Variants in ABCA1 observed in about 807,000 individuals in gnomAD.
The protein encoded by ABCA1 is phospholipid-transporting ATPase ABCA1.
In ABCA1, 133 loss-of-function variants were observed where a neutral mutation model predicts 262.5. The observed-to-expected ratio is 0.51, with a 90% confidence interval of 0.44 to 0.59. The LOEUF is 0.59. Ranked by LOEUF, ABCA1 falls within the 20% of genes least tolerant of loss-of-function variation. ABCA1 has a pLI of 0.00. For synonymous variants in ABCA1, 1,022 were observed against 1,043.5 expected (o/e 0.98, Z 0.40); for missense variants, 2,452 against 2,777.5 (o/e 0.88, Z 2.63).
Position 104,813,116 on chromosome 9 carries a change from C to T in ABCA1, c.3902-394G>A, listed in dbSNP as rs551717366. 2.0e-5 allele frequency among the ~76,000 whole-genome samples: 3 copies of T among 152,348 alleles called. No individual in the cohort carries two copies. In the South Asian group the frequency reaches 6.2e-4, roughly 32 times the overall value. On this transcript the variant is annotated intron_variant, in intron 27 of 49. Coordinates refer to ENST00000374736, the MANE Select transcript of ABCA1 (RefSeq NM_005502.4). Reference sequence around the variant, plus strand: ...GAGAATACACAATGGCAATTAGCATCTCAGCTTCTCACCCTATTATATTTT... The same window carrying T: ...GAGAATACACAATGGCAATTAGCATTTCAGCTTCTCACCCTATTATATTTT...
Position 104,858,717 on chromosome 9 carries a change from A to G in ABCA1, c.544-19T>C. 6.2e-7 allele frequency: 1 copy of G among 1,613,824 alleles called. No homozygotes were observed. The highest frequency in any genetic ancestry group is 8.5e-7 in the Non-Finnish European group (1 of 1,179,800). ...AAAATACCTGGAAGCATTTCATGCAAAGAGAGACAAGCACAAGAGGATTAT... is the reference window on the plus strand; with the variant it reads ...AAAATACCTGGAAGCATTTCATGCAGAGAGAGACAAGCACAAGAGGATTAT... On this transcript the variant is annotated intron_variant, in intron 6 of 49. Coordinates refer to ENST00000374736, the MANE Select transcript of ABCA1 (RefSeq NM_005502.4).
intron 42 of ABCA1, 120 bp downstream of exon 42, chr9:104,792,666 T>A (rs553959461): frequency 7.9e-7 from 1 of 1,259,062 alleles, no homozygotes; most frequent in East Asian, 2.3e-5. Flanking sequence ...AGAACCTTGG[T>A]ATAGATGTAC....
chr9:104,849,390 T>G (rs1231866184), intron 7 of ABCA1, among the ~76,000 whole-genome samples: 1 of 152,072 alleles, frequency 6.6e-6, no homozygotes, highest in Non-Finnish European at 1.5e-5. Flanking sequence ...TTGTTTAATT[T>G]GACTGTTTTT....
rs115508653 is a variant in ABCA1, at chr9:104,865,361, T to C, written c.422-3561A>G. On this transcript the variant is annotated intron_variant, in intron 5 of 49. Coordinates refer to ENST00000374736, the MANE Select transcript of ABCA1 (RefSeq NM_005502.4). ...TGAAACCCAGTCTCTACTAAACATA[T>C]CAAAATTAGCTGAGTGTGGTGGTGG... is the stretch of plus-strand genomic sequence containing the variant. Among the ~76,000 whole-genome samples, 1,098 of 151,858 alleles carry C rather than the reference T, an allele frequency of 7.2e-3. 10 individuals are homozygous for C. The highest frequency in any genetic ancestry group is 0.025 in the African/African-American group (1,038 of 41,368).
At chr9:104,812,470 C>T (rs1831361971) in intron 28 of ABCA1, 104 bp downstream of exon 28, 2 of 1,457,824 alleles carry the variant, frequency 1.4e-6, no homozygotes, top group Non-Finnish European at 1.9e-6. Flanking sequence ...AAATCTGGCT[C>T]CGGCATCCAT....
intron 17 of ABCA1, among the ~76,000 whole-genome samples, chr9:104,825,202 A>C (rs1464125771): frequency 6.6e-6 from 1 of 152,104 alleles, no homozygotes; most frequent in Non-Finnish European, 1.5e-5. Context: ...AGGAAACAGA[A>C]CCTCTCCTAG....
chr9:104,805,020 C>T (rs984332965), intron 31 of ABCA1, among the ~76,000 whole-genome samples: 6 of 152,138 alleles, frequency 3.9e-5, no homozygotes, highest in Non-Finnish European at 8.8e-5. Flanking sequence ...ATTCACTATG[C>T]CTAATAAATC....
rs1257684576 is a variant in ABCA1, at chr9:104,826,976, T to A, written c.2309A>T (p.Tyr770Phe). The A allele has an allele frequency of 1.9e-6, 3 of 1,614,016 alleles. No individual in the cohort carries two copies. The highest frequency in any genetic ancestry group is 2.7e-5 in the African/African-American group (2 of 74,926). Residue 770 changes from tyrosine to phenylalanine, a missense_variant, in exon 16 of 50, where the codon TAC (tyrosine) becomes TTC (phenylalanine). Around this residue, in one of 4 missense-constraint regions of ABCA1, gnomAD observed 1,032 missense variants for 1,089.7 expected, o/e 0.95. Transcript: ENST00000374736. ...PYVLCVAWQD[Y>F]VGFTLKIFAS... ...GAAGATCTTGAGTGTGAAGCCCACG[T>A]AGTCCTGCCATGCCACACACAGGAC...
intron 4 of ABCA1, among the ~76,000 whole-genome samples, chr9:104,883,660 G>A (rs1313430745): frequency 6.6e-6 from 1 of 151,234 alleles, no homozygotes; most frequent in Non-Finnish European, 1.5e-5. Context: ...TAATATTTGT[G>A]TATGGAAGGG....
At chr9:104,788,731 T>C (rs1306491428) in intron 44 of ABCA1, among the ~76,000 whole-genome samples, 164 bp from the exon 45 acceptor site, 2 of 152,228 alleles carry the variant, frequency 1.3e-5, no homozygotes, top group Non-Finnish European at 2.9e-5. Flanking sequence ...ATGCTAGCTC[T>C]TCCTGGCAGG....
chr9:104,873,305 T>G (rs1231974848), intron 5 of ABCA1, among the ~76,000 whole-genome samples: 1 of 152,206 alleles, frequency 6.6e-6, no homozygotes, highest in Non-Finnish European at 1.5e-5. Context: ...GAAAATATAG[T>G]CTGAGGCTGT....
intron 7 of ABCA1, among the ~76,000 whole-genome samples, chr9:104,856,846 T>A (rs1488028769): frequency 6.6e-6 from 1 of 152,214 alleles, no homozygotes; most frequent in Non-Finnish European, 1.5e-5. Flanking sequence ...AATGGTTTTG[T>A]AACAAAGTTT....
intron 17 of ABCA1, 99 bp downstream of exon 17, chr9:104,825,584 C>A: frequency 7.9e-7 from 1 of 1,272,900 alleles, no homozygotes; most frequent in South Asian, 1.2e-5. Context: ...TAGCCCAAAC[C>A]ACTTCCCAGG....
At chr9:104,925,325 C>CA (rs1554757497) in intron 1 of ABCA1, among the ~76,000 whole-genome samples, 1 of 150,422 alleles carries the variant, frequency 6.6e-6, no homozygotes, top group Non-Finnish European at 1.5e-5. Context: ...TGCAGTGAGC[C>CA]ATATCGTGCC....
intron 2 of ABCA1, among the ~76,000 whole-genome samples, chr9:104,895,786 C>A (rs143467669): frequency 6.6e-6 from 1 of 152,174 alleles, no homozygotes; most frequent in African/African-American, 2.4e-5. Context: ...CTCTGTGAAC[C>A]CATTTCCCTC....
chr9:104,861,842 C>CAAAAA (rs34203904), intron 5 of ABCA1, 42 bp from the exon 6 acceptor site: 1 of 1,343,948 alleles, frequency 7.4e-7, no homozygotes, highest in Non-Finnish European at 1.0e-6. Flanking sequence ...GTAAGTAACT[C>CAAAAA]AAAAAAAAAA....
chr9:104,922,017 G>A (rs1014616474), intron 1 of ABCA1, among the ~76,000 whole-genome samples: 2 of 152,074 alleles, frequency 1.3e-5, no homozygotes, highest in Admixed American at 6.6e-5. Flanking sequence ...CATTTAAATC[G>A]GGTCTTAAAG....
chr9:104,808,395 T>C (rs1458041306), intron 30 of ABCA1, among the ~76,000 whole-genome samples: 1 of 152,110 alleles, frequency 6.6e-6, no homozygotes, highest in Non-Finnish European at 1.5e-5. Context: ...TCTCATCTCA[T>C]GCTTCTATCT....
At chr9:104,848,043 C>T (rs1247525533) in intron 7 of ABCA1, among the ~76,000 whole-genome samples, 3 of 151,930 alleles carry the variant, frequency 2.0e-5, no homozygotes, top group African/African-American at 7.2e-5. Context: ...TATATGTGCA[C>T]ACACACACAC....
Sources: allele counts gnomAD v4.1 joint callset (sites outside exome capture counted in the v4.1 genomes callset), GRCh38; gene constraint gnomAD v4.1.1; regional missense constraint gnomAD v4.1.1; transcripts MANE v1.5; gene names NCBI Gene and HGNC (gene_info 2026-07-23, HGNC 2026-07-21).